Variants in SIPA1L3 observed in about 807,000 individuals in gnomAD.
SIPA1L3 encodes the protein signal induced proliferation associated 1 like 3.
SIPA1L3 carries 59 observed loss-of-function variants against 150.1 expected under a neutral mutation model. The ratio of observed to expected loss-of-function variants is 0.39; its 90% CI spans 0.32 to 0.49. The LOEUF (loss-of-function observed/expected upper bound fraction) is 0.49. Ranked by LOEUF, SIPA1L3 falls within the 20% of genes least tolerant of loss-of-function variation. The pLI is 0.86. For missense variants in SIPA1L3, 2,211 were observed against 2,489.5 expected (o/e 0.89, Z 2.38); for synonymous variants, 1,070 against 1,077.6 (o/e 0.99, Z 0.14).
intron 15 of SIPA1L3, among the ~76,000 whole-genome samples, chr19:38,173,447 G>A (rs1043373719): frequency 3.9e-5 from 6 of 152,280 alleles, no homozygotes; most frequent in African/African-American, 7.2e-5. Flanking sequence ...GATCCTGGGC[G>A]GGCAGCCACC....
At chr19:37,967,095 G>A (rs911265322) in intron 1 of SIPA1L3, among the ~76,000 whole-genome samples, 1 of 152,066 alleles carries the variant, frequency 6.6e-6, no homozygotes, top group Non-Finnish European at 1.5e-5. Flanking sequence ...GGTTCCTTCC[G>A]AGGTCTATCA....
At chr19:37,940,609 C>T (rs1042788249) in intron 1 of SIPA1L3, among the ~76,000 whole-genome samples, 5 of 152,222 alleles carry the variant, frequency 3.3e-5, no homozygotes, top group South Asian at 4.1e-4. Context: ...GGTTCATCTG[C>T]GTGTGAAGCC....
intron 1 of SIPA1L3, among the ~76,000 whole-genome samples, chr19:37,912,980 G>A (rs2046388648): frequency 6.6e-6 from 1 of 152,180 alleles, no homozygotes; most frequent in African/African-American, 2.4e-5. Context: ...GTGAGGGGCT[G>A]GTGGTGGAGC....
Position 38,101,653 on chromosome 19 carries a change from C to T in SIPA1L3, c.2029+427C>T, listed in dbSNP as rs539092697. 5.3e-5 allele frequency among the ~76,000 whole-genome samples: 8 copies of T among 152,284 alleles called. 1 individual carries two copies. In the South Asian group the frequency reaches 1.4e-3, roughly 28 times the overall value. On this transcript the variant is annotated intron_variant, in intron 6 of 21. Coordinates refer to ENST00000222345, the MANE Select transcript of SIPA1L3 (RefSeq NM_015073.3). ...CTCGAACTCCTGACCTCAAGTGATC[C>T]ACCCACCTCAGCCTCTCAAAGTGTT...
intron 13 of SIPA1L3, among the ~76,000 whole-genome samples, chr19:38,157,820 C>T (rs115908633): frequency 7.6e-4 from 115 of 152,248 alleles, no homozygotes; most frequent in African/African-American, 2.7e-3. Flanking sequence ...CCAGGCTGGG[C>T]GCCAGGGATA....
chr19:38,045,532 A>G (rs1433852978), intron 2 of SIPA1L3, among the ~76,000 whole-genome samples: 1 of 152,118 alleles, frequency 6.6e-6, no homozygotes, highest in Admixed American at 6.6e-5. Flanking sequence ...TGATCACGCC[A>G]CTGCACTCCA....
intron 18 of SIPA1L3, among the ~76,000 whole-genome samples, chr19:38,196,580 G>A (rs375116461): frequency 1.2e-4 from 14 of 113,686 alleles, no homozygotes; most frequent in East Asian, 2.9e-4. Context: ...AGGGCAGAGC[G>A]TGGAGGTCAA....
chr19:37,997,709 A>G (rs527854315), intron 1 of SIPA1L3, among the ~76,000 whole-genome samples: 1 of 151,902 alleles, frequency 6.6e-6, no homozygotes, highest in Non-Finnish European at 1.5e-5. Context: ...TCTACTAAAA[A>G]TACAAAAATT....
intron 1 of SIPA1L3, among the ~76,000 whole-genome samples, chr19:37,952,183 G>A (rs1421961950): frequency 6.6e-6 from 1 of 152,092 alleles, no homozygotes. Context: ...TTTGCTCAGA[G>A]GGTCGAGTGG....
chr19:38,139,250 A>G (rs1049146082), intron 10 of SIPA1L3, among the ~76,000 whole-genome samples: 43 of 152,204 alleles, frequency 2.8e-4, no homozygotes, highest in African/African-American at 9.6e-4. Flanking sequence ...CTTAGAGCAC[A>G]TGACAATTCT....
intron 1 of SIPA1L3, among the ~76,000 whole-genome samples, chr19:37,946,392 CAA>C (rs1289336750): frequency 6.6e-6 from 1 of 152,096 alleles, no homozygotes; most frequent in East Asian, 1.9e-4. Flanking sequence ...ATCGGCCTCC[CAA>C]AGTGTTCGGA....
At chr19:38,126,541 C>CTT (rs577099002) in intron 9 of SIPA1L3, among the ~76,000 whole-genome samples, 2 of 146,870 alleles carry the variant, frequency 1.4e-5, no homozygotes, top group African/African-American at 5.0e-5. Flanking sequence ...CAAGACAATT[C>CTT]TTTTTTTTTT....
chr19:38,146,830 T>G (rs945056141), intron 12 of SIPA1L3, among the ~76,000 whole-genome samples: 4 of 152,226 alleles, frequency 2.6e-5, no homozygotes. Flanking sequence ...TGAACACCTT[T>G]TCATGTCTTA....
chr19:38,072,827 G>A (rs936428347), intron 2 of SIPA1L3, among the ~76,000 whole-genome samples: 6 of 152,246 alleles, frequency 3.9e-5, no homozygotes, highest in African/African-American at 9.6e-5. Context: ...TCCCTATGCT[G>A]TGTCCTGTGA....
chr19:38,119,506 A>G lies in SIPA1L3; in HGVS notation c.2492A>G (p.Asn831Ser). 1 of 1,614,166 alleles carries G rather than the reference A, an allele frequency of 6.2e-7. No homozygotes were observed. The highest frequency in any genetic ancestry group is 8.5e-7 in the Non-Finnish European group (1 of 1,180,026). Residue 831 changes from asparagine to serine, a missense_variant, in exon 9 of 22, where the codon AAC becomes AGC. Asn to Ser is a conservative substitution (Grantham distance 46). This residue lies in a region of SIPA1L3 where 625 missense variants were observed against 804.2 expected (regional missense o/e 0.78). Transcript: ENST00000222345. ...GAGTATCTCAAGGACCTGGCCGAAA[A>G]CTGTGTCTCCAACACCCCCATCGAC... ...RQEYLKDLAENCVSNTPIDST... is the reference protein window; with the variant it reads ...RQEYLKDLAESCVSNTPIDST...
chr19:38,075,424 C>T (rs370353761), intron 2 of SIPA1L3, among the ~76,000 whole-genome samples: 1 of 151,486 alleles, frequency 6.6e-6, no homozygotes, highest in Non-Finnish European at 1.5e-5. Flanking sequence ...CCACTGCACT[C>T]CAGCCTGGGT....
chr19:37,975,187 A>T (rs1967045300), intron 1 of SIPA1L3, among the ~76,000 whole-genome samples: 4 of 152,176 alleles, frequency 2.6e-5, no homozygotes, highest in Admixed American at 2.6e-4. Flanking sequence ...ATAACTTCAG[A>T]GTCCCAACTG....
chr19:38,203,274 G>T (rs1041388147), intron 20 of SIPA1L3, among the ~76,000 whole-genome samples: 24 of 152,174 alleles, frequency 1.6e-4, no homozygotes, highest in African/African-American at 5.8e-4. Flanking sequence ...CCTGGGCGGC[G>T]CTCCTGGAGT....
chr19:38,024,698 C>T (rs1447579972), intron 1 of SIPA1L3, among the ~76,000 whole-genome samples: 2 of 152,172 alleles, frequency 1.3e-5, no homozygotes, highest in Non-Finnish European at 2.9e-5. Context: ...ATCTTTGAGA[C>T]AGGCAGTATT....
Sources: gnomAD v4.1 joint callset for allele counts (sites outside exome capture counted in the v4.1 genomes callset) on GRCh38, gnomAD v4.1.1 for gene constraint, gnomAD v4.1.1 regional missense constraint, MANE v1.5 for transcripts, NCBI Gene and HGNC (gene_info 2026-07-23, HGNC 2026-07-21) for gene names.